Variants in IGF1R observed in about 807,000 individuals in gnomAD.
IGF1R encodes insulin like growth factor 1 receptor.
IGF1R carries 44 observed loss-of-function variants against 144.6 expected under a neutral mutation model. The ratio of observed to expected loss-of-function variants is 0.30; its 90% CI spans 0.24 to 0.39. IGF1R has a LOEUF of 0.39. Ranked by LOEUF, IGF1R falls within the 10% of genes least tolerant of loss-of-function variation. IGF1R has a pLI of 1.00. For synonymous variants in IGF1R, 795 were observed against 722.8 expected (o/e 1.10, Z -1.60); for missense variants, 1,355 against 1,833.7 (o/e 0.74, Z 4.77).
chr15:98,732,941 G>A (rs916446656), intron 2 of IGF1R, among the ~76,000 whole-genome samples: 3 of 152,120 alleles, frequency 2.0e-5, no homozygotes, highest in South Asian at 4.1e-4. Context: ...TCAGTGGGAC[G>A]ACTCCCAAGG....
chr15:98,805,813 G>A (rs999105403), intron 2 of IGF1R, among the ~76,000 whole-genome samples: 9 of 152,120 alleles, frequency 5.9e-5, no homozygotes, highest in African/African-American at 2.2e-4. Flanking sequence ...CATTTCTGAC[G>A]CCAAATGTGT....
In IGF1R at chr15:98,891,128, G is replaced by A. The variant is rs1879613; in HGVS notation, c.641-197G>A. Among the ~76,000 whole-genome samples the A allele has an allele frequency of 0.18, 27,462 of 152,084 alleles. 3,272 individuals carry two copies. The highest frequency in any genetic ancestry group is 0.41 in the East Asian group (2,089 of 5,136). ...GGAGAGACTGAACTTTAAAGATATC[G>A]ACTCTCTGCAGGTCTAAGTGGATGA... On this transcript the variant is annotated intron_variant, in intron 2 of 20. Coordinates refer to ENST00000650285, the MANE Select transcript of IGF1R (RefSeq NM_000875.5). This position sits in a 1 kb window ranked among gnomAD's most constrained non-coding sequence, Gnocchi z 4.7.
intron 18 of IGF1R, among the ~76,000 whole-genome samples, chr15:98,941,204 G>A (rs1180439537): frequency 1.3e-5 from 2 of 152,222 alleles, no homozygotes; most frequent in South Asian, 4.1e-4. Flanking sequence ...CAGACCCCAT[G>A]GGGTTATGAG....
At chr15:98,662,815 G>A (rs1409976609) in intron 1 of IGF1R, among the ~76,000 whole-genome samples, 1 of 152,190 alleles carries the variant, frequency 6.6e-6, no homozygotes, top group Non-Finnish European at 1.5e-5. Flanking sequence ...GGAGAGGAAG[G>A]GACCATGTGT....
rs555915494 is a variant in IGF1R, at chr15:98,964,388, A to G, written c.*6946A>G. On this transcript the variant is annotated 3_prime_UTR_variant, in exon 21 of 21. Coordinates refer to ENST00000650285, the MANE Select transcript of IGF1R (RefSeq NM_000875.5). ...AAGAATTTATTCCTGTTATTGCGAT[A>G]TACTCTGGATTCTTTACATAATGGA... 8 of 230,668 alleles carry G rather than the reference A, an allele frequency of 3.5e-5. No individual in the cohort carries two copies. Among genetic ancestry groups the G allele is most frequent in the South Asian group, 3.6e-4 (2 of 5,516 alleles). 14.3% of individuals were successfully genotyped at this position (230,668 alleles called of 1,614,324 possible).
At chr15:98,913,315 C>T (rs904170325) in intron 8 of IGF1R, 33 bp downstream of exon 8, 1 of 1,532,444 alleles carries the variant, frequency 6.5e-7, no homozygotes, top group African/African-American at 1.4e-5. Flanking sequence ...CCAGCATCCA[C>T]ACTTCTTCGC....
chr15:98,946,574 C>A (rs1049742776), intron 19 of IGF1R, among the ~76,000 whole-genome samples: 3 of 152,110 alleles, frequency 2.0e-5, no homozygotes, highest in African/African-American at 7.2e-5. Context: ...CCTGGGTGGA[C>A]AGTTCGCAGT....
chr15:98,842,046 C>T (rs2011183622), intron 2 of IGF1R, among the ~76,000 whole-genome samples: 1 of 152,168 alleles, frequency 6.6e-6, no homozygotes, highest in Admixed American at 6.6e-5. Context: ...TTGTTTTTCC[C>T]TGTAGACAGG....
chr15:98,752,803 A>G (rs2055046488), intron 2 of IGF1R, among the ~76,000 whole-genome samples: 1 of 152,248 alleles, frequency 6.6e-6, no homozygotes, highest in African/African-American at 2.4e-5. Context: ...TATAAGTGAT[A>G]CATAATTCAA....
chr15:98,829,491 G>A (rs1021499081), intron 2 of IGF1R, among the ~76,000 whole-genome samples: 1 of 152,200 alleles, frequency 6.6e-6, no homozygotes, highest in African/African-American at 2.4e-5. Context: ...GAATGCATTT[G>A]CAAGCCAAAA....
At chr15:98,841,038 G>A (rs1311856564) in intron 2 of IGF1R, among the ~76,000 whole-genome samples, 1 of 152,074 alleles carries the variant, frequency 6.6e-6, no homozygotes, top group African/African-American at 2.4e-5. Context: ...TGGAATTACA[G>A]GCGTGAGCCA....
At chr15:98,780,549 C>CAA (rs1192949160) in intron 2 of IGF1R, among the ~76,000 whole-genome samples, 269 of 23,994 alleles carry the variant, frequency 0.011, 12 homozygotes, top group East Asian at 0.07. Flanking sequence ...AACTCTGTCT[C>CAA]AAAAAAAAAA....
At chr15:98,840,941 A>T (rs1449153108) in intron 2 of IGF1R, among the ~76,000 whole-genome samples, 1 of 152,074 alleles carries the variant, frequency 6.6e-6, no homozygotes, top group Non-Finnish European at 1.5e-5. Flanking sequence ...TCGGCCTCCC[A>T]AAGTGCTGGG....
At chr15:98,906,943 GC>G (rs2014761463) in intron 5 of IGF1R, among the ~76,000 whole-genome samples, 1 of 152,242 alleles carries the variant, frequency 6.6e-6, no homozygotes, top group South Asian at 2.1e-4. Context: ...TGGACAGAGA[GC>G]CCAGTGCTCA....
chr15:98,909,068 G>C (rs1458041830), intron 6 of IGF1R, among the ~76,000 whole-genome samples, 169 bp downstream of exon 6: 1 of 152,152 alleles, frequency 6.6e-6, no homozygotes, highest in East Asian at 1.9e-4. Flanking sequence ...ATCACAATCA[G>C]TAGTGGGCAG....
At chr15:98,715,793 A>G (rs2054100129) in intron 2 of IGF1R, among the ~76,000 whole-genome samples, 1 of 152,150 alleles carries the variant, frequency 6.6e-6, no homozygotes, top group African/African-American at 2.4e-5. Flanking sequence ...TCCTGGTTGG[A>G]ATGTTCCCCT....
chr15:98,830,603 A>ACCTTTT lies in IGF1R; in HGVS notation c.641-60722_641-60721insCCTTTT, dbSNP rs949484748. Among the ~76,000 whole-genome samples the ACCTTTT allele has an allele frequency of 5.1e-3, 679 of 133,682 alleles. 9 individuals are homozygous for ACCTTTT. The highest frequency in any genetic ancestry group is 0.021 in the African/African-American group (645 of 30,382). The allele number at this position is 133,682 out of a possible 152,430, so 87.7% of individuals were successfully genotyped here. ...AGCATGGTTCCAACATCTGATCATC[A>ACCTTTT]TCTTTTTTTTTTTTTTTTTAGATGG... On this transcript the variant is annotated intron_variant, in intron 2 of 20. Coordinates refer to ENST00000650285, the MANE Select transcript of IGF1R (RefSeq NM_000875.5).
Position 98,707,475 on chromosome 15 carries a change from C to T in IGF1R, c.95-87C>T. 1.5e-6 allele frequency: 2 copies of T among 1,323,914 alleles called. No homozygotes were observed. The highest frequency in any genetic ancestry group is 2.5e-5 in the South Asian group (2 of 79,170). The allele number at this position is 1,323,914 out of a possible 1,614,324, so 82.0% of individuals were successfully genotyped here. A position where few individuals can be genotyped will look rare whatever the true frequency, so the allele number is the denominator to read the frequency against. On this transcript the variant is annotated intron_variant, in intron 1 of 20. Transcript: ENST00000650285. This position sits in a 1 kb window ranked among gnomAD's most constrained non-coding sequence, Gnocchi z 6.7. ...TTTCTTTAATAATAATACAGGATTC[C>T]TGAAAACCAACTGTATTATTGTTTG...
At position 98,963,322 on chromosome 15, in the gene IGF1R, C is replaced by G. The variant is rs1327533732; in HGVS notation, c.*5880C>G. On this transcript the variant is annotated 3_prime_UTR_variant, in exon 21 of 21. Coordinates refer to ENST00000650285, the MANE Select transcript of IGF1R (RefSeq NM_000875.5). ...TGGTTCACCCTCTTTTCCCCCCATG[C>G]TTTTTGCCCTAGTTTATAACAAAGG... The G allele has an allele frequency of 4.3e-6, 1 of 232,590 alleles. No homozygotes were observed. The highest frequency in any genetic ancestry group is 8.5e-6 in the Non-Finnish European group (1 of 117,834). The allele number at this position is 232,590 out of a possible 1,614,324, so 14.4% of individuals were successfully genotyped here. A position where few individuals can be genotyped will look rare whatever the true frequency, so the allele number is the denominator to read the frequency against.
Sources: allele counts gnomAD v4.1 joint callset (sites outside exome capture counted in the v4.1 genomes callset), GRCh38; gene constraint gnomAD v4.1.1; non-coding constraint Gnocchi (gnomAD v3.1); transcripts MANE v1.5; gene names NCBI Gene and HGNC (gene_info 2026-07-23, HGNC 2026-07-21).